Variants in GRM1 observed in about 807,000 individuals in gnomAD.
GRM1 encodes the protein glutamate metabotropic receptor 1.
A neutral mutation model predicts 90.9 loss-of-function variants in GRM1; 33 were observed. The observed-to-expected ratio is 0.36, with a 90% CI of 0.28 to 0.49. The LOEUF is 0.49. Ranked by LOEUF, GRM1 falls within the 20% of genes least tolerant of loss-of-function variation. The probability of loss-of-function intolerance (pLI) is 0.99; values close to 1 mark genes in which losing one functional copy is unlikely to be tolerated. For missense variants in GRM1, 1,190 were observed against 1,534.3 expected, an observed-to-expected ratio of 0.78 and a Z score of 3.75; for synonymous variants, 700 against 613.2, an observed-to-expected ratio of 1.14 and a Z score of -2.09.
At chr6:146,249,856 T>A (rs1453829674) in intron 2 of GRM1, among the ~76,000 whole-genome samples, 1 of 152,158 alleles carries the variant, frequency 6.6e-6, no homozygotes, top group African/African-American at 2.4e-5. Flanking sequence ...GAGAGGGCTA[T>A]ACCCTGCAGA....
intron 1 of GRM1, among the ~76,000 whole-genome samples, chr6:146,041,204 G>A (rs1023203765): frequency 3.3e-5 from 5 of 151,768 alleles, no homozygotes; most frequent in Non-Finnish European, 7.4e-5. Context: ...TTCTTATTTC[G>A]GATTATTGAC....
intron 6 of GRM1, among the ~76,000 whole-genome samples, chr6:146,388,032 A>G (rs918411827): frequency 7.9e-5 from 12 of 152,126 alleles, no homozygotes; most frequent in African/African-American, 2.2e-4. Flanking sequence ...GATTGATTAT[A>G]TGAGTTTGTA....
At position 146,066,034 on chromosome 6, in the gene GRM1, G is replaced by A. The variant is rs189674351; in HGVS notation, c.700+35817G>A. 3.7e-3 allele frequency among the ~76,000 whole-genome samples: 562 copies of A among 151,838 alleles called. 4 individuals carry two copies. The highest frequency in any genetic ancestry group is 0.013 in the African/African-American group (538 of 41,458). On this transcript the variant is annotated intron_variant, in intron 1 of 7. Coordinates refer to ENST00000282753, the MANE Select transcript of GRM1 (RefSeq NM_001278064.2). Reference sequence around the variant, plus strand: ...CTGTGAGATGCATGTTGCTTGAGACGGCTTTTATTTCTTATTTTTTCTTTT... The same window carrying A: ...CTGTGAGATGCATGTTGCTTGAGACAGCTTTTATTTCTTATTTTTTCTTTT...
intron 1 of GRM1, among the ~76,000 whole-genome samples, chr6:146,142,752 G>A (rs1210507040): frequency 6.6e-6 from 1 of 152,028 alleles, no homozygotes; most frequent in Non-Finnish European, 1.5e-5. Flanking sequence ...TCAGCTTGTG[G>A]TGAATGCTGT....
At chr6:146,099,336 A>C (rs1776973468) in intron 1 of GRM1, among the ~76,000 whole-genome samples, 1 of 152,192 alleles carries the variant, frequency 6.6e-6, no homozygotes, top group Non-Finnish European at 1.5e-5. Flanking sequence ...GCAGTGAGCC[A>C]AGATCACTCC....
intron 6 of GRM1, among the ~76,000 whole-genome samples, chr6:146,398,472 G>A (rs897637311): frequency 6.6e-6 from 1 of 152,124 alleles, no homozygotes; most frequent in Non-Finnish European, 1.5e-5. Context: ...ATGTAGAACC[G>A]AGTCCCATTC....
Position 146,246,796 on chromosome 6 carries a change from G to A in GRM1, c.951-57815G>A, listed in dbSNP as rs557829743. Among the ~76,000 whole-genome samples the A allele has an allele frequency of 6.6e-5, 10 of 152,202 alleles. No homozygotes were observed. The South Asian group carries it at 2.1e-3, about 32-fold the overall frequency. ...CAGATATATTAACAGAGACTCTTTT[G>A]GTTCCAAGTTATAAAAGTTTTTGAG... On this transcript the variant is annotated intron_variant, in intron 2 of 7. Coordinates refer to ENST00000282753, the MANE Select transcript of GRM1 (RefSeq NM_001278064.2).
intron 5 of GRM1, among the ~76,000 whole-genome samples, chr6:146,385,778 A>G (rs1776479189): frequency 6.6e-6 from 1 of 152,064 alleles, no homozygotes; most frequent in Admixed American, 6.6e-5. Context: ...TAAAATGTAT[A>G]AAACTATAAC....
intron 2 of GRM1, among the ~76,000 whole-genome samples, chr6:146,195,435 G>A (rs1383945332): frequency 6.6e-6 from 1 of 152,162 alleles, no homozygotes; most frequent in Non-Finnish European, 1.5e-5. Context: ...ACTGATGGGT[G>A]AGATTGAGAG....
rs536039324 is a variant in GRM1, at chr6:146,277,142, C to A, written c.951-27469C>A. On this transcript the variant is annotated intron_variant, in intron 2 of 7. Coordinates refer to ENST00000282753, the MANE Select transcript of GRM1 (RefSeq NM_001278064.2). Reference sequence around the variant, plus strand: ...CAATACAATACAATACAATAAAATACAATAAAGTTTCCCAGCAAGTTTGGT... The same window carrying A: ...CAATACAATACAATACAATAAAATAAAATAAAGTTTCCCAGCAAGTTTGGT... 3.3e-5 allele frequency among the ~76,000 whole-genome samples: 5 copies of A among 152,104 alleles called. No individual in the cohort carries two copies. In the South Asian group the frequency reaches 1.0e-3, roughly 32 times the overall value.
At chr6:146,032,053 G>T (rs937793027) in intron 1 of GRM1, among the ~76,000 whole-genome samples, 2 of 152,036 alleles carry the variant, frequency 1.3e-5, no homozygotes, top group Non-Finnish European at 2.9e-5. Context: ...GCTAATAGTG[G>T]GTTGCTTTCT....
In GRM1 at chr6:146,223,401, C is replaced by A. The variant is rs1004897164; in HGVS notation, c.950+63804C>A. Reference sequence around the variant, plus strand: ...GGAAGAAGTCATGATGTTTTTTTCACATCATTCTTTCCATTAGATTGAGGT... The same window carrying A: ...GGAAGAAGTCATGATGTTTTTTTCAAATCATTCTTTCCATTAGATTGAGGT... On this transcript the variant is annotated intron_variant, in intron 2 of 7. Transcript: ENST00000282753. 5.3e-5 allele frequency among the ~76,000 whole-genome samples: 8 copies of A among 151,950 alleles called. 1 individual carries two copies. Among genetic ancestry groups the A allele is most frequent in the African/African-American group, 1.9e-4 (8 of 41,380 alleles).
chr6:146,414,226 A>G (rs1777677357), intron 7 of GRM1, among the ~76,000 whole-genome samples: 1 of 152,120 alleles, frequency 6.6e-6, no homozygotes, highest in Admixed American at 6.5e-5. Context: ...TCTAATGCGT[A>G]TGTAGAGGTA....
At chr6:146,299,701 A>T (rs1783305947) in intron 2 of GRM1, among the ~76,000 whole-genome samples, 1 of 152,136 alleles carries the variant, frequency 6.6e-6, no homozygotes, top group Non-Finnish European at 1.5e-5. Context: ...TATTCATCTG[A>T]ATACTTGTGG....
chr6:146,066,092 G>T (rs1475724496), intron 1 of GRM1, among the ~76,000 whole-genome samples: 2 of 152,024 alleles, frequency 1.3e-5, no homozygotes, highest in African/African-American at 4.8e-5. Context: ...GGAACCAGGG[G>T]GTACATGTGC....
chr6:146,148,297 A>C (rs1456267861), intron 1 of GRM1, among the ~76,000 whole-genome samples: 4 of 139,392 alleles, frequency 2.9e-5, no homozygotes, highest in African/African-American at 7.6e-5. Context: ...AAAATATAAA[A>C]ACACAATTAC....
intron 2 of GRM1, among the ~76,000 whole-genome samples, chr6:146,240,654 CAG>C (rs1780822338): frequency 6.6e-6 from 1 of 152,058 alleles, no homozygotes; most frequent in Admixed American, 6.6e-5. Context: ...TTTGGTGACA[CAG>C]AGCAGGATGA....
intron 2 of GRM1, among the ~76,000 whole-genome samples, chr6:146,249,961 T>A (rs1781213023): frequency 6.6e-6 from 1 of 152,152 alleles, no homozygotes; most frequent in African/African-American, 2.4e-5. Context: ...TTTTGGAGCT[T>A]TAAGATTTAA....
chr6:146,110,454 T>G (rs1775513577), intron 1 of GRM1, among the ~76,000 whole-genome samples: 1 of 152,198 alleles, frequency 6.6e-6, no homozygotes, highest in South Asian at 2.1e-4. Flanking sequence ...CACACGGAAC[T>G]GTTAAGTCCA....
Sources: allele counts gnomAD v4.1 joint callset (sites outside exome capture counted in the v4.1 genomes callset), GRCh38; gene constraint gnomAD v4.1.1; transcripts MANE v1.5; gene names NCBI Gene and HGNC (gene_info 2026-07-23, HGNC 2026-07-21).